ZNF679: variants seen among roughly 807,000 people sequenced by gnomAD.
The protein encoded by ZNF679 is zinc finger protein 679, also known as hypothetical protein MGC42415.
In ZNF679, 10 loss-of-function variants were observed where a neutral mutation model predicts 13.4. The ratio of observed to expected loss-of-function variants is 0.75; its 90% CI spans 0.46 to 1.27. The LOEUF is 1.27. ZNF679 is among the 50% of genes most tolerant of loss of function. The probability of loss-of-function intolerance (pLI) is 0.00; values close to 1 mark genes in which losing one functional copy is unlikely to be tolerated. For synonymous variants in ZNF679, 179 were observed against 162.5 expected (o/e 1.10, Z -0.77); for missense variants, 525 against 477.8 (o/e 1.10, Z -0.92).
intron 1 of ZNF679, among the ~76,000 whole-genome samples, chr7:64,236,441 C>T (rs1290471894): frequency 2.0e-5 from 3 of 149,740 alleles, no homozygotes; most frequent in South Asian, 2.1e-4. Flanking sequence ...TGTAAAAGAG[C>T]GTTTGTGGGG....
intron 1 of ZNF679, among the ~76,000 whole-genome samples, chr7:64,240,685 A>C (rs934764792): frequency 1.3e-5 from 2 of 152,224 alleles, no homozygotes; most frequent in African/African-American, 4.8e-5. Flanking sequence ...ATGCAGCCAC[A>C]GGTGAGACAG....
intron 1 of ZNF679, among the ~76,000 whole-genome samples, chr7:64,248,018 A>C (rs1231650482): frequency 2.0e-5 from 3 of 152,138 alleles, no homozygotes; most frequent in Non-Finnish European, 4.4e-5. Context: ...CAGACTGCGT[A>C]CTTTTTTTTT....
intron 1 of ZNF679, among the ~76,000 whole-genome samples, chr7:64,241,307 T>A (rs1476998911): frequency 6.6e-6 from 1 of 152,260 alleles, no homozygotes; most frequent in African/African-American, 2.4e-5. Flanking sequence ...TGTGCCCATG[T>A]GTATTTCCCA....
At chr7:64,252,605 C>T (rs1411643010) in intron 2 of ZNF679, among the ~76,000 whole-genome samples, 1 of 152,110 alleles carries the variant, frequency 6.6e-6, no homozygotes, top group Admixed American at 6.5e-5. Flanking sequence ...TACATTTGCA[C>T]AAGAAAATGT....
intron 4 of ZNF679, among the ~76,000 whole-genome samples, chr7:64,261,272 A>T (rs531474414): frequency 1.9e-3 from 290 of 151,722 alleles, no homozygotes; most frequent in African/African-American, 5.6e-3. Flanking sequence ...ACCATTAAAA[A>T]TTTTTTTTTG....
intron 4 of ZNF679, among the ~76,000 whole-genome samples, chr7:64,263,456 T>G (rs530758852): frequency 6.6e-6 from 1 of 152,138 alleles, no homozygotes; most frequent in Non-Finnish European, 1.5e-5. Flanking sequence ...ATAAAAATAT[T>G]GTGTATCCTC....
In ZNF679 at chr7:64,260,234, T is replaced by G; in HGVS notation, c.53T>G (p.Phe18Cys). Residue 18 changes from phenylalanine to cysteine, a missense_variant, in exon 3 of 5, where the codon TTC (phenylalanine) becomes TGC (cysteine). Coordinates refer to ENST00000421025, the MANE Select transcript of ZNF679 (RefSeq NM_153363.3). ...ATTGTTTTTCAGGGACTGTTGACATTCAGAGATGTAGTCATAGAATTCTCT... is the reference window on the plus strand; with the variant it reads ...ATTGTTTTTCAGGGACTGTTGACATGCAGAGATGTAGTCATAGAATTCTCT... ...PGSREMGLLT[F>C]RDVVIEFSLE... The G allele has an allele frequency of 6.2e-7, 1 of 1,605,500 alleles. No homozygotes were observed. Among genetic ancestry groups the G allele is most frequent in the Non-Finnish European group, 8.5e-7 (1 of 1,177,764 alleles).
intron 4 of ZNF679, among the ~76,000 whole-genome samples, chr7:64,263,645 T>G (rs1209699910): frequency 1.3e-5 from 2 of 152,166 alleles, no homozygotes; most frequent in African/African-American, 2.4e-5. Flanking sequence ...ACATGAGAGC[T>G]GGTTGCTTAA....
chr7:64,240,613 C>A (rs567197450), intron 1 of ZNF679, among the ~76,000 whole-genome samples: 108 of 152,252 alleles, frequency 7.1e-4, no homozygotes, highest in African/African-American at 2.4e-3. Flanking sequence ...TGGTCACTGG[C>A]GAGGTCCTAA....
chr7:64,254,561 A>G (rs2115575939), intron 2 of ZNF679, among the ~76,000 whole-genome samples: 1 of 152,238 alleles, frequency 6.6e-6, no homozygotes, highest in East Asian at 1.9e-4. Flanking sequence ...CATTAAGTAC[A>G]GGATTTTGCA....
At chr7:64,242,410 C>G (rs1163988218) in intron 1 of ZNF679, among the ~76,000 whole-genome samples, 1 of 152,120 alleles carries the variant, frequency 6.6e-6, no homozygotes, top group Non-Finnish European at 1.5e-5. Flanking sequence ...TGTTACAATC[C>G]CAAATGTAGG....
intron 1 of ZNF679, among the ~76,000 whole-genome samples, chr7:64,235,738 G>A (rs1006367549): frequency 3.3e-5 from 5 of 151,572 alleles, no homozygotes; most frequent in Non-Finnish European, 5.9e-5. Flanking sequence ...GCCATGAGCC[G>A]AGATCATGCC....
intron 1 of ZNF679, among the ~76,000 whole-genome samples, chr7:64,242,113 G>A (rs1233358811): frequency 6.6e-6 from 1 of 152,150 alleles, no homozygotes; most frequent in Non-Finnish European, 1.5e-5. Flanking sequence ...AGCCTCACAG[G>A]GGTGCTGAAT....
intron 4 of ZNF679, among the ~76,000 whole-genome samples, chr7:64,265,608 A>T (rs1788133126): frequency 6.6e-6 from 1 of 152,184 alleles, no homozygotes; most frequent in Admixed American, 6.6e-5. Context: ...TCTATTGGGG[A>T]TGAAGAAGGG....
At chr7:64,257,203 C>G (rs534519583) in intron 2 of ZNF679, among the ~76,000 whole-genome samples, 63 of 152,300 alleles carry the variant, frequency 4.1e-4, no homozygotes, top group African/African-American at 1.4e-3. Flanking sequence ...CTTTCTAACT[C>G]TTTGGTGTGG....
chr7:64,258,214 G>A (rs1371046274), intron 2 of ZNF679, among the ~76,000 whole-genome samples: 1 of 152,152 alleles, frequency 6.6e-6, no homozygotes, highest in Admixed American at 6.6e-5. Context: ...AAAAATGGGT[G>A]AATGTTTTCT....
Position 64,233,407 on chromosome 7 carries a change from C to G in ZNF679, c.-91+4755C>G, listed in dbSNP as rs1306830362. Among the ~76,000 whole-genome samples, 3 of 151,954 alleles carry G rather than the reference C, an allele frequency of 2.0e-5. No individual in the cohort carries two copies. In the East Asian group the frequency reaches 5.8e-4, roughly 29 times the overall value. On this transcript the variant is annotated intron_variant, in intron 1 of 4. Transcript: ENST00000421025. Reference sequence around the variant, plus strand: ...TTGGGAGGCTGAGGTGGGAGGATTGCTTGAGTCTGGGAGGTTGAGGCTGCA... The same window carrying G: ...TTGGGAGGCTGAGGTGGGAGGATTGGTTGAGTCTGGGAGGTTGAGGCTGCA...
chr7:64,234,210 C>T (rs1189415033), intron 1 of ZNF679, among the ~76,000 whole-genome samples: 1 of 152,220 alleles, frequency 6.6e-6, no homozygotes, highest in Non-Finnish European at 1.5e-5. Flanking sequence ...CCTTCAAAAT[C>T]ACTATGACCA....
At chr7:64,230,140 A>AATAT (rs1434908611) in intron 1 of ZNF679, among the ~76,000 whole-genome samples, 1 of 152,224 alleles carries the variant, frequency 6.6e-6, no homozygotes, top group Non-Finnish European at 1.5e-5. Context: ...TGGGTCTAAA[A>AATAT]ATATACTATG....
Sources: allele counts gnomAD v4.1 joint callset (sites outside exome capture counted in the v4.1 genomes callset), GRCh38; gene constraint gnomAD v4.1.1; transcripts MANE v1.5; gene names NCBI Gene and HGNC (gene_info 2026-07-23, HGNC 2026-07-21).